The following KCNB2 variants were observed in gnomAD, a reference collection of about 807,000 sequenced individuals.
KCNB2 encodes delayed rectifier potassium channel protein.
KCNB2 carries 15 observed loss-of-function variants against 61.5 expected under a neutral mutation model. That is an observed-to-expected ratio of 0.24 (90% CI 0.16 to 0.38). KCNB2 has a LOEUF of 0.38. KCNB2 is among the 10% of genes least tolerant of loss of function. The pLI, the probability that KCNB2 is intolerant of heterozygous loss-of-function variation, is 1.00. For missense variants in KCNB2, 828 were observed against 1,125.2 expected (o/e 0.74, Z 3.78); for synonymous variants, 457 against 446.0 (o/e 1.02, Z -0.31).
At chr8:72,902,519 G>T (rs1398882916) in intron 2 of KCNB2, among the ~76,000 whole-genome samples, 1 of 152,098 alleles carries the variant, frequency 6.6e-6, no homozygotes, top group African/African-American at 2.4e-5. Context: ...CATTAGAAGG[G>T]TATGCTACAT....
At chr8:72,559,424 T>C (rs1806477596) in intron 1 of KCNB2, among the ~76,000 whole-genome samples, 1 of 151,994 alleles carries the variant, frequency 6.6e-6, no homozygotes, top group South Asian at 2.1e-4. Context: ...GGATTACAGG[T>C]GTGAGCCACC....
At chr8:72,803,662 G>A (rs181613248) in intron 2 of KCNB2, among the ~76,000 whole-genome samples, 3 of 152,310 alleles carry the variant, frequency 2.0e-5, no homozygotes, top group Admixed American at 1.3e-4. Context: ...ACTACCTGCA[G>A]AAAGTGACAT....
intron 1 of KCNB2, among the ~76,000 whole-genome samples, chr8:72,561,139 A>G (rs114824481): frequency 0.014 from 2,202 of 152,000 alleles, 35 homozygotes; most frequent in African/African-American, 0.05. Flanking sequence ...AGCATCGGTT[A>G]TATCAAGGAT....
chr8:72,706,870 T>C (rs73309813), intron 2 of KCNB2, among the ~76,000 whole-genome samples: 3,992 of 152,284 alleles, frequency 0.026, 71 homozygotes, highest in South Asian at 0.075. Flanking sequence ...ACAGTCCCAG[T>C]CTCTGTTCAT....
At chr8:72,551,285 T>G (rs1023475806) in intron 1 of KCNB2, among the ~76,000 whole-genome samples, 2 of 152,178 alleles carry the variant, frequency 1.3e-5, no homozygotes, top group Non-Finnish European at 2.9e-5. Flanking sequence ...CCTAAAACCC[T>G]TAAATGATTT....
At chr8:72,691,365 C>T (rs1345779017) in intron 2 of KCNB2, among the ~76,000 whole-genome samples, 3 of 152,202 alleles carry the variant, frequency 2.0e-5, no homozygotes, top group Admixed American at 6.5e-5. Context: ...AAAAGTCTTA[C>T]GTACTTGAAC....
intron 2 of KCNB2, among the ~76,000 whole-genome samples, chr8:72,658,486 G>A (rs964559060): frequency 6.6e-5 from 10 of 152,164 alleles, no homozygotes; most frequent in Admixed American, 2.6e-4. Flanking sequence ...GCAAGGTGAA[G>A]CAACAAGGGC....
In KCNB2 at chr8:72,858,763, A is replaced by G. The variant is rs62518365; in HGVS notation, c.580-77172A>G. Among the ~76,000 whole-genome samples the G allele has an allele frequency of 1.3e-3, 202 of 152,322 alleles. 1 individual carries two copies. The highest frequency in any genetic ancestry group is 2.6e-3 in the Non-Finnish European group (176 of 68,020). The stretch of plus-strand genomic sequence containing the variant: ...ATTGCCAGTGGCCTTGCAATTGACT[A>G]TGGAATGGGACCATCTGAAAGTACA... On this transcript the variant is annotated intron_variant, in intron 2 of 2. Transcript: ENST00000523207.
intron 2 of KCNB2, among the ~76,000 whole-genome samples, chr8:72,608,179 G>A (rs974679812): frequency 2.0e-5 from 3 of 152,162 alleles, no homozygotes; most frequent in African/African-American, 4.8e-5. Flanking sequence ...AAGCCCCTTG[G>A]AGAAGGAGTC....
intron 1 of KCNB2, among the ~76,000 whole-genome samples, chr8:72,540,864 G>A (rs1313263734): frequency 2.0e-5 from 3 of 151,950 alleles, no homozygotes; most frequent in Admixed American, 6.6e-5. Flanking sequence ...ATGTCCCATA[G>A]CCACTCATTG....
At chr8:72,657,753 A>G (rs192769955) in intron 2 of KCNB2, among the ~76,000 whole-genome samples, 52 of 152,334 alleles carry the variant, frequency 3.4e-4, no homozygotes, top group Admixed American at 1.5e-3. Context: ...GAGACTCGTT[A>G]AATAGTTCTA....
chr8:72,663,121 A>G (rs1806407000), intron 2 of KCNB2, among the ~76,000 whole-genome samples: 1 of 152,182 alleles, frequency 6.6e-6, no homozygotes, highest in Non-Finnish European at 1.5e-5. Flanking sequence ...TCATAACAAC[A>G]TTATGAGATA....
intron 2 of KCNB2, among the ~76,000 whole-genome samples, chr8:72,628,989 G>A (rs1369608803): frequency 6.6e-6 from 1 of 152,138 alleles, no homozygotes; most frequent in Non-Finnish European, 1.5e-5. Context: ...AACATTTTAG[G>A]CACTAAATAA....
At chr8:72,819,378 T>G (rs1365079208) in intron 2 of KCNB2, among the ~76,000 whole-genome samples, 2 of 152,014 alleles carry the variant, frequency 1.3e-5, no homozygotes, top group African/African-American at 4.8e-5. Context: ...TTAGAAATAT[T>G]CAGCCAATCC....
chr8:72,837,009 G>T (rs138805533), intron 2 of KCNB2, among the ~76,000 whole-genome samples: 26 of 152,266 alleles, frequency 1.7e-4, no homozygotes, highest in African/African-American at 6.0e-4. Flanking sequence ...TTCCCAGTGG[G>T]TACCTCCACT....
At chr8:72,785,636 GATTGGAGATATCTACT>G in intron 2 of KCNB2, among the ~76,000 whole-genome samples, 2 of 152,190 alleles carry the variant, frequency 1.3e-5, no homozygotes, top group East Asian at 3.9e-4. Context: ...TGTTTTATAT[GATTGGAGATATCTACT>G]ATGAATAATA....
chr8:72,822,057 T>C (rs576029429), intron 2 of KCNB2, among the ~76,000 whole-genome samples: 17 of 152,294 alleles, frequency 1.1e-4, no homozygotes, highest in African/African-American at 2.2e-4. Context: ...TGCAAACCAG[T>C]GTAGGCTCAC....
chr8:72,730,845 G>T (rs2243783), intron 2 of KCNB2, among the ~76,000 whole-genome samples: 102,076 of 151,994 alleles, frequency 0.67, 35,026 homozygotes, highest in African/African-American at 0.8. Context: ...TTAAGAAATT[G>T]TTCAGATAAC....
intron 2 of KCNB2, among the ~76,000 whole-genome samples, chr8:72,712,482 G>A (rs556610358): frequency 6.6e-6 from 1 of 152,278 alleles, no homozygotes; most frequent in East Asian, 1.9e-4. Context: ...ACTTTTAGTT[G>A]GATAATGTGG....
Sources: allele counts gnomAD v4.1 joint callset (sites outside exome capture counted in the v4.1 genomes callset), GRCh38; gene constraint gnomAD v4.1.1; transcripts MANE v1.5; gene names NCBI Gene and HGNC (gene_info 2026-07-23, HGNC 2026-07-21).